The following ENOX1 variants were observed in gnomAD, a reference collection of about 807,000 sequenced individuals.
The protein encoded by ENOX1 is ecto-NOX disulfide-thiol exchanger 1.
ENOX1 carries 42 observed loss-of-function variants against 82.5 expected under a neutral mutation model. The ratio of observed to expected loss-of-function variants is 0.51; its 90% confidence interval spans 0.40 to 0.66. The LOEUF is 0.66. Among genes scored for constraint, ENOX1 ranks in the 30% least tolerant of loss-of-function variants. ENOX1 has a pLI of 0.00. For synonymous variants in ENOX1, 271 were observed against 282.2 expected, an observed-to-expected ratio of 0.96 and a Z score of 0.40; for missense variants, 608 against 811.6, an observed-to-expected ratio of 0.75 and a Z score of 3.05.
At chr13:43,364,666 T>G (rs532244280) in intron 5 of ENOX1, among the ~76,000 whole-genome samples, 1 of 149,812 alleles carries the variant, frequency 6.7e-6, no homozygotes, top group Admixed American at 6.7e-5. Context: ...GCATGGCAGT[T>G]GAATTAATTA....
chr13:43,768,630 A>G (rs933105020), intron 1 of ENOX1, among the ~76,000 whole-genome samples: 2 of 152,202 alleles, frequency 1.3e-5, no homozygotes, highest in Admixed American at 6.5e-5. Context: ...CTTAAAACAT[A>G]AATAAATATT....
intron 2 of ENOX1, among the ~76,000 whole-genome samples, chr13:43,634,508 T>C (rs1594198019): frequency 6.6e-6 from 1 of 152,176 alleles, no homozygotes; most frequent in East Asian, 1.9e-4. Flanking sequence ...AAGGGTGTTG[T>C]AGAGAAGGAG....
intron 11 of ENOX1, among the ~76,000 whole-genome samples, chr13:43,311,852 CA>C (rs2047219221): frequency 6.6e-6 from 1 of 152,124 alleles, no homozygotes. Flanking sequence ...TTGTTTAAGA[CA>C]ATTCGTGGAG....
chr13:43,299,368 G>A (rs923536356), intron 11 of ENOX1, among the ~76,000 whole-genome samples: 1 of 151,958 alleles, frequency 6.6e-6, no homozygotes, highest in African/African-American at 2.4e-5. Context: ...ATTGCTTAGG[G>A]GTCTCTCCGA....
intron 5 of ENOX1, among the ~76,000 whole-genome samples, chr13:43,389,121 G>A (rs1327271998): frequency 6.6e-6 from 1 of 152,152 alleles, no homozygotes; most frequent in Non-Finnish European, 1.5e-5. Context: ...AAGTGTCTCT[G>A]TTGATAAGCA....
chr13:43,469,396 A>C (rs1051095179), intron 3 of ENOX1, among the ~76,000 whole-genome samples: 1 of 152,020 alleles, frequency 6.6e-6, no homozygotes, highest in African/African-American at 2.4e-5. Flanking sequence ...ACCTGTATTA[A>C]TAAAGAATAG....
At chr13:43,345,965 A>T (rs2049352698) in intron 8 of ENOX1, among the ~76,000 whole-genome samples, 1 of 152,210 alleles carries the variant, frequency 6.6e-6, no homozygotes, top group Non-Finnish European at 1.5e-5. Flanking sequence ...GCATATAAAC[A>T]TACATACACT....
At chr13:43,556,155 T>G (rs2079426977) in intron 2 of ENOX1, among the ~76,000 whole-genome samples, 2 of 152,156 alleles carry the variant, frequency 1.3e-5, no homozygotes, top group Non-Finnish European at 2.9e-5. Context: ...TTCTAAATCT[T>G]TAATCGCTCC....
At chr13:43,531,433 G>A (rs918329720) in intron 2 of ENOX1, among the ~76,000 whole-genome samples, 10 of 151,204 alleles carry the variant, frequency 6.6e-5, no homozygotes, top group African/African-American at 2.2e-4. Context: ...AACAGGTGCT[G>A]GAGAGCATGT....
chr13:43,418,827 C>CA (rs1364836044), intron 3 of ENOX1, among the ~76,000 whole-genome samples: 3 of 152,136 alleles, frequency 2.0e-5, no homozygotes, highest in Non-Finnish European at 4.4e-5. Context: ...AACTGTTCAA[C>CA]AAAATATATT....
At chr13:43,411,309 C>T (rs1335095796) in intron 5 of ENOX1, among the ~76,000 whole-genome samples, 2 of 152,122 alleles carry the variant, frequency 1.3e-5, no homozygotes, top group Admixed American at 6.5e-5. Context: ...CAGCAAACAC[C>T]TGTTAAATTC....
intron 3 of ENOX1, among the ~76,000 whole-genome samples, chr13:43,470,377 C>CACATATATATGTGTATATATGT (rs1555290142): frequency 3.7e-5 from 1 of 27,038 alleles, no homozygotes; most frequent in Non-Finnish European, 7.1e-5. Flanking sequence ...TATATATATA[C>CACATATATATGTGTATATATGT]ATATATATAC....
chr13:43,476,150 T>C (rs767540100), intron 3 of ENOX1, among the ~76,000 whole-genome samples: 40 of 152,146 alleles, frequency 2.6e-4, no homozygotes, highest in Non-Finnish European at 4.7e-4. Context: ...ATTACTGTAA[T>C]CGCTACAAAT....
chr13:43,770,348 T>C (rs751600698), intron 1 of ENOX1, among the ~76,000 whole-genome samples: 2 of 152,160 alleles, frequency 1.3e-5, no homozygotes, highest in Admixed American at 6.5e-5. Flanking sequence ...AATGTGCTCC[T>C]AGAGATGCAG....
At chr13:43,690,435 A>G (rs1457829054) in intron 1 of ENOX1, among the ~76,000 whole-genome samples, 1 of 152,106 alleles carries the variant, frequency 6.6e-6, no homozygotes. Flanking sequence ...ATAATTGAGG[A>G]TGGTGACAAT....
chr13:43,555,624 G>A lies in ENOX1; in HGVS notation c.-218-71472C>T, dbSNP rs138862292. 3.8e-3 allele frequency among the ~76,000 whole-genome samples: 579 copies of A among 152,262 alleles called. 2 individuals carry two copies. The highest frequency in any genetic ancestry group is 6.3e-3 in the Non-Finnish European group (431 of 68,026). On this transcript the variant is annotated intron_variant, in intron 2 of 16. Coordinates refer to ENST00000690772, the MANE Select transcript of ENOX1 (RefSeq NM_001347969.2). ...TAATAAATCATCACATCAAAGCCCC[G>A]ACAGAGGATGGAGAAAACCTCAGTC...
intron 1 of ENOX1, among the ~76,000 whole-genome samples, chr13:43,769,911 C>G (rs1181370178): frequency 6.6e-6 from 1 of 152,224 alleles, no homozygotes; most frequent in Non-Finnish European, 1.5e-5. Flanking sequence ...CAACGCCTAA[C>G]TGGCAATAGT....
intron 14 of ENOX1, among the ~76,000 whole-genome samples, chr13:43,257,229 T>G (rs1444626): frequency 6.6e-6 from 1 of 151,900 alleles, no homozygotes; most frequent in Admixed American, 6.6e-5. Context: ...GTGTGATAGT[T>G]CAGTAGGTTG....
intron 2 of ENOX1, among the ~76,000 whole-genome samples, chr13:43,587,436 T>G (rs1359005226): frequency 6.6e-6 from 1 of 152,212 alleles, no homozygotes; most frequent in African/African-American, 2.4e-5. Flanking sequence ...ATGGTTCTTG[T>G]GTACTACATA....
Sources: allele counts gnomAD v4.1 joint callset (sites outside exome capture counted in the v4.1 genomes callset), GRCh38; gene constraint gnomAD v4.1.1; transcripts MANE v1.5; gene names NCBI Gene and HGNC (gene_info 2026-07-23, HGNC 2026-07-21).